CGNL1: variants seen among roughly 807,000 people sequenced by gnomAD.
CGNL1 encodes cingulin like 1.
CGNL1 carries 132 observed loss-of-function variants against 141.2 expected under a neutral mutation model. The observed-to-expected ratio is 0.93, with a 90% CI of 0.81 to 1.08. CGNL1 has a LOEUF of 1.08. Among genes scored for constraint, CGNL1 ranks in the 50% least tolerant of loss-of-function variants. CGNL1 has a pLI of 0.00. For missense variants in CGNL1, 1,870 were observed against 1,588.6 expected, an observed-to-expected ratio of 1.18 and a Z score of -3.01; for synonymous variants, 690 against 622.1, an observed-to-expected ratio of 1.11 and a Z score of -1.63.
intron 8 of CGNL1, among the ~76,000 whole-genome samples, chr15:57,463,759 C>T (rs1240742508): frequency 6.6e-6 from 1 of 152,232 alleles, no homozygotes; most frequent in African/African-American, 2.4e-5. Context: ...AACCCATCTC[C>T]AGAAAACTCT....
intron 7 of CGNL1, 41 bp downstream of exon 7, chr15:57,453,859 C>G (rs766520551): frequency 6.2e-7 from 1 of 1,607,656 alleles, no homozygotes; most frequent in Non-Finnish European, 8.5e-7. Context: ...ACAGGCCCCA[C>G]CTGCCTGGAA....
At chr15:57,486,864 G>C (rs1274974928) in intron 8 of CGNL1, among the ~76,000 whole-genome samples, 2 of 152,184 alleles carry the variant, frequency 1.3e-5, no homozygotes, top group South Asian at 2.1e-4. Flanking sequence ...ATGCTCCTGA[G>C]GGGGAGGCTG....
intron 8 of CGNL1, among the ~76,000 whole-genome samples, chr15:57,475,577 C>T (rs1368210585): frequency 6.6e-6 from 1 of 151,648 alleles, no homozygotes; most frequent in Non-Finnish European, 1.5e-5. Context: ...TGCTGTGCAA[C>T]CCCAAGCCTA....
chr15:57,495,903 T>A (rs2063931414), intron 8 of CGNL1, among the ~76,000 whole-genome samples: 2 of 126,874 alleles, frequency 1.6e-5, no homozygotes, highest in African/African-American at 3.0e-5. Context: ...TGGAAGCACA[T>A]AAAGCAACTA....
chr15:57,547,419 G>T lies in CGNL1; in HGVS notation c.3838G>T (p.Gly1280Trp), dbSNP rs1160769280. ...MDDDDDLSTD[G>W]GSLYEAPVSY... ...TGACGACGATGACCTCAGCACGGAT[G>T]GGGGAAGCCTCTATGAGGCGCCTGT... The change falls in exon 19 of 19, where the codon GGG (glycine) becomes TGG (tryptophan). Residue 1280 changes from glycine to tryptophan, a missense_variant. By Grantham distance (184) the Gly-to-Trp change is radical. Coordinates refer to ENST00000281282, the MANE Select transcript of CGNL1 (RefSeq NM_032866.5). The T allele has an allele frequency of 6.8e-6, 11 of 1,614,060 alleles. No homozygotes were observed. Among genetic ancestry groups the T allele is most frequent in the South Asian group, 2.2e-5 (2 of 91,074 alleles).
intron 1 of CGNL1, among the ~76,000 whole-genome samples, chr15:57,436,991 A>G (rs1462942384): frequency 4.1e-5 from 6 of 147,222 alleles, no homozygotes; most frequent in African/African-American, 9.9e-5. Flanking sequence ...TCAAAAGTGG[A>G]AAAAAAAAAA....
At chr15:57,501,166 C>T (rs926701121) in intron 8 of CGNL1, among the ~76,000 whole-genome samples, 1 of 152,122 alleles carries the variant, frequency 6.6e-6, no homozygotes, top group Admixed American at 6.5e-5. Flanking sequence ...GGAGGCCCTG[C>T]CCAGAAGGGC....
At chr15:57,463,527 C>T (rs534156244) in intron 8 of CGNL1, among the ~76,000 whole-genome samples, 45 of 152,302 alleles carry the variant, frequency 3.0e-4, no homozygotes, top group African/African-American at 9.4e-4. Context: ...TTCCAGGCAC[C>T]GGGAAGCTAA....
chr15:57,451,476 G>T, intron 4 of CGNL1, 24 bp from the exon 5 acceptor site: 1 of 1,498,508 alleles, frequency 6.7e-7, no homozygotes, highest in Non-Finnish European at 9.2e-7. Flanking sequence ...ATTTAAATTA[G>T]TATATCTTTG....
chr15:57,386,459 G>A (rs1478696033), intron 1 of CGNL1, among the ~76,000 whole-genome samples: 5 of 152,182 alleles, frequency 3.3e-5, no homozygotes, highest in South Asian at 2.1e-4. Flanking sequence ...TAAAATGGTT[G>A]GGGCTCAACA....
At chr15:57,491,937 A>G (rs1435390782) in intron 8 of CGNL1, among the ~76,000 whole-genome samples, 1 of 152,058 alleles carries the variant, frequency 6.6e-6, no homozygotes, top group East Asian at 1.9e-4. Context: ...AAAACCAGGG[A>G]AAGTCTGAGG....
At chr15:57,441,852 C>T (rs2063191026) in intron 3 of CGNL1, among the ~76,000 whole-genome samples, 1 of 152,036 alleles carries the variant, frequency 6.6e-6, no homozygotes, top group African/African-American at 2.4e-5. Flanking sequence ...TGTGAAAGCC[C>T]AGACAAAGGG....
intron 1 of CGNL1, among the ~76,000 whole-genome samples, chr15:57,426,099 G>A (rs1336300011): frequency 6.6e-6 from 1 of 151,966 alleles, no homozygotes; most frequent in Non-Finnish European, 1.5e-5. Context: ...GGAGATCAGA[G>A]AGGAAGGGAT....
chr15:57,513,288 G>GTGTGTGTGTGTT, intron 8 of CGNL1, among the ~76,000 whole-genome samples: 1 of 101,200 alleles, frequency 9.9e-6, no homozygotes, highest in Non-Finnish European at 1.9e-5. Context: ...GTGTGTGTGT[G>GTGTGTGTGTGTT]TGTGTGTTTG....
At chr15:57,406,736 A>G (rs1396842017) in intron 1 of CGNL1, among the ~76,000 whole-genome samples, 2 of 152,242 alleles carry the variant, frequency 1.3e-5, no homozygotes, top group Non-Finnish European at 2.9e-5. Context: ...TCAAACTTAC[A>G]TAAGTACTGT....
At chr15:57,401,712 T>C (rs2062662321) in intron 1 of CGNL1, among the ~76,000 whole-genome samples, 1 of 152,220 alleles carries the variant, frequency 6.6e-6, no homozygotes, top group African/African-American at 2.4e-5. Flanking sequence ...CATTCTCAAA[T>C]TTCCTTATGA....
intron 1 of CGNL1, 28 bp from the exon 2 acceptor site, chr15:57,437,957 C>A: frequency 6.4e-7 from 1 of 1,560,232 alleles, no homozygotes; most frequent in South Asian, 1.2e-5. Context: ...ACCTAATGTC[C>A]TCTTTTTACC....
chr15:57,443,159 G>A (rs2063211158), intron 4 of CGNL1, among the ~76,000 whole-genome samples: 2 of 152,148 alleles, frequency 1.3e-5, no homozygotes, highest in Admixed American at 6.5e-5. Context: ...GTGGTGCAGG[G>A]GACAGGAAAG....
At chr15:57,440,641 TGGGGTG>T (rs2063175366) in intron 3 of CGNL1, among the ~76,000 whole-genome samples, 170 bp downstream of exon 3, 2 of 152,032 alleles carry the variant, frequency 1.3e-5, no homozygotes, top group African/African-American at 4.8e-5. Flanking sequence ...TTGTGTGGTA[TGGGGTG>T]GGGGCTTTGG....
Sources: allele counts gnomAD v4.1 joint callset (sites outside exome capture counted in the v4.1 genomes callset), GRCh38; gene constraint gnomAD v4.1.1; transcripts MANE v1.5; gene names NCBI Gene and HGNC (gene_info 2026-07-23, HGNC 2026-07-21).